The following RPL3 variants were observed in gnomAD, a reference collection of about 807,000 sequenced individuals.
RPL3 encodes ribosomal protein L3.
RPL3 carries 3 observed loss-of-function variants against 46.0 expected under a neutral mutation model. The observed-to-expected ratio is 0.07, with a 90% CI of 0.03 to 0.17. RPL3 has a LOEUF of 0.17. Ranked by LOEUF, RPL3 falls within the 10% of genes least tolerant of loss-of-function variation. The pLI is 1.00. For synonymous variants in RPL3, 224 were observed against 190.8 expected, an observed-to-expected ratio of 1.17 and a Z score of -1.43; for missense variants, 387 against 532.7, an observed-to-expected ratio of 0.73 and a Z score of 2.69.
chr22:39,315,777 A>G (rs545931636), intron 4 of RPL3, among the ~76,000 whole-genome samples: 86 of 152,322 alleles, frequency 5.6e-4, no homozygotes, highest in African/African-American at 2.0e-3. Context: ...GGATGAGCGG[A>G]CAAGACCCAC....
rs567803785 is a variant in RPL3, at chr22:39,313,379, G to A, written c.1048-69C>T. 989 of 1,589,728 alleles carry A rather than the reference G, an allele frequency of 6.2e-4. 1 individual carries two copies. The highest frequency in any genetic ancestry group is 8.0e-4 in the Non-Finnish European group (934 of 1,165,258). On this transcript the variant is annotated intron_variant, in intron 8 of 9. Coordinates refer to ENST00000216146, the MANE Select transcript of RPL3 (RefSeq NM_000967.4). ...GGCTTTCCTCAGCACTGTTCACAGC[G>A]CCCCTGCATCTGGGAAGCCACACGA...
In RPL3 at chr22:39,314,225, G is replaced by A. The variant is rs1226622208; in HGVS notation, c.850-17C>T. ...CTTATAAATCTGAATGAACAAGAAGGGTGTAAGGCTGGGGCATTAGGGACA... is the reference window on the plus strand; with the variant it reads ...CTTATAAATCTGAATGAACAAGAAGAGTGTAAGGCTGGGGCATTAGGGACA... On this transcript the variant is annotated splice_polypyrimidine_tract_variant and intron_variant, in intron 6 of 9. Transcript: ENST00000216146. The A allele has an allele frequency of 2.5e-6, 4 of 1,607,406 alleles. No homozygotes were observed. The highest frequency in any genetic ancestry group is 2.2e-5 in the South Asian group (2 of 90,936).
At chr22:39,319,150 G>A (rs1457994634) in intron 1 of RPL3, 1 of 543,270 alleles carries the variant, frequency 1.8e-6, no homozygotes, top group Non-Finnish European at 3.7e-6. Flanking sequence ...GAGTGCACCA[G>A]CGGCCCCAGA....
rs1412915784 is a variant in RPL3, at chr22:39,317,518, T to C, written c.308A>G (p.Lys103Arg). The C allele has an allele frequency of 1.2e-6, 2 of 1,613,848 alleles. No homozygotes were observed. The highest frequency in any genetic ancestry group is 1.3e-5 in the African/African-American group (1 of 74,906). ...ACTGATGTGCTCAGCAAAGACAGTC[T>C]TGAAGGTCCGGAGGCCTCGAGGGGT... ...VETPRGLRTF[K>R]TVFAEHISDE... Residue 103 changes from lysine to arginine, a missense_variant, in exon 3 of 10, where the codon AAG becomes AGG. Physicochemically the swap from Lys to Arg is conservative, Grantham distance 26 (BLOSUM62 2). Around this residue, in one of 5 missense-constraint regions of RPL3, gnomAD observed 196 missense variants for 217.5 expected, o/e 0.90. Transcript: ENST00000216146.
chr22:39,319,032 C>A (rs771029017), intron 1 of RPL3: 8 of 537,940 alleles, frequency 1.5e-5, no homozygotes, highest in South Asian at 1.1e-4. Context: ...ACACACAGGC[C>A]AAAGAACTCC....
chr22:39,313,093 C>A, intron 9 of RPL3, 98 bp downstream of exon 9: 1 of 1,603,088 alleles, frequency 6.2e-7, no homozygotes, highest in Non-Finnish European at 8.5e-7. Flanking sequence ...ACAAGAGAGG[C>A]CTAAGGCATC....
At chr22:39,317,400 T>C (rs1922768112) in intron 3 of RPL3, 61 bp downstream of exon 3, 1 of 1,561,918 alleles carries the variant, frequency 6.4e-7, no homozygotes, top group Non-Finnish European at 8.7e-7. Context: ...ATGCACACGC[T>C]GCTCCCTGCT....
In RPL3 at chr22:39,315,433, G is replaced by T; in HGVS notation, c.624C>A (p.Asn208Lys). 6.2e-7 allele frequency: 1 copy of T among 1,613,952 alleles called. No homozygotes were observed. The highest frequency in any genetic ancestry group is 8.5e-7 in the Non-Finnish European group (1 of 1,180,042). Residue 208 changes from asparagine to lysine, a missense_variant, in exon 5 of 10, where the codon AAC becomes AAA. Transcript: ENST00000216146. ...RERLEQQVPV[N>K]QVFGQDEMID... ...TCATCTCATCCTGCCCAAACACTTGGTTCACAGGTACCTGCTGCTCAAGCC... is the reference window on the plus strand; with the variant it reads ...TCATCTCATCCTGCCCAAACACTTGTTTCACAGGTACCTGCTGCTCAAGCC...
chr22:39,316,551 G>A (rs1277252331), intron 4 of RPL3, among the ~76,000 whole-genome samples, 155 bp downstream of exon 4: 1 of 152,170 alleles, frequency 6.6e-6, no homozygotes, highest in South Asian at 2.1e-4. Flanking sequence ...ATTTTAAAGG[G>A]GAATGGTTCC....
At chr22:39,313,097 A>C in intron 9 of RPL3, 94 bp downstream of exon 9, 1 of 1,602,194 alleles carries the variant, frequency 6.2e-7, no homozygotes, top group Non-Finnish European at 8.5e-7. Context: ...GAGAGGCCTA[A>C]GGCATCAAGA....
chr22:39,318,263 T>C, intron 2 of RPL3, 137 bp downstream of exon 2: 1 of 796,526 alleles, frequency 1.3e-6, no homozygotes, highest in Non-Finnish European at 2.0e-6. Context: ...CCCATTCTGC[T>C]GTCGCAGCAG....
At chr22:39,316,911 G>T in intron 3 of RPL3, 70 bp from the exon 4 acceptor site, 1 of 1,607,220 alleles carries the variant, frequency 6.2e-7, no homozygotes, top group Non-Finnish European at 8.5e-7. Context: ...AGGGGTGAGC[G>T]GAAGGCACAC....
chr22:39,313,775 C>A (rs140057417), intron 7 of RPL3, 46 bp from the exon 8 acceptor site: 57 of 1,550,180 alleles, frequency 3.7e-5, no homozygotes, highest in Non-Finnish European at 4.8e-5. Context: ...AGGGGATTGT[C>A]GTGCAGATGA....
chr22:39,316,581 G>T, intron 4 of RPL3, 125 bp downstream of exon 4: 1 of 1,252,134 alleles, frequency 8.0e-7, no homozygotes, highest in Non-Finnish European at 1.1e-6. Context: ...GGCCAGTAAG[G>T]ACACAGTGCC....
At chr22:39,317,359 A>AG in intron 3 of RPL3, 102 bp downstream of exon 3, 7 of 1,355,262 alleles carry the variant, frequency 5.2e-6, no homozygotes, top group Non-Finnish European at 7.1e-6. Context: ...CCAAGACAGC[A>AG]GCTCCCTGCC....
At chr22:39,318,169 T>C (rs1483225212) in intron 2 of RPL3, 1 of 518,038 alleles carries the variant, frequency 1.9e-6, no homozygotes. Context: ...TACTATGCTC[T>C]GAAATCAATA....
intron 1 of RPL3, chr22:39,318,998 T>TGCCC: frequency 1.9e-6 from 1 of 539,368 alleles, no homozygotes; most frequent in South Asian, 1.4e-5. Context: ...CTGCCTCCGG[T>TGCCC]GCCCGGACAC....
intron 1 of RPL3, 50 bp downstream of exon 1, chr22:39,319,545 A>G (rs909245499): frequency 1.9e-6 from 3 of 1,557,790 alleles, no homozygotes; most frequent in Non-Finnish European, 2.6e-6. Context: ...TCGCGGATTC[A>G]GCCGTGCCGA....
chr22:39,314,810 C>T lies in RPL3; in HGVS notation c.725G>A (p.Arg242His), dbSNP rs1480072027. 38 of 1,613,612 alleles carry T rather than the reference C, an allele frequency of 2.4e-5. No homozygotes were observed. The highest frequency in any genetic ancestry group is 6.7e-5 in the Admixed American group (4 of 59,996). ...CTTGCGCAGGCCTCGGTGGGTCTTGCGGGGCAGCTTCTTGGTGTGCCAACG... is the reference window on the plus strand; with the variant it reads ...CTTGCGCAGGCCTCGGTGGGTCTTGTGGGGCAGCTTCTTGGTGTGCCAACG... ...TSRWHTKKLP[R>H]KTHRGLRKVA... is the part of the protein sequence containing the mutation. Residue 242 changes from arginine (R) to histidine (H), a missense_variant, in exon 6 of 10, where the codon CGC (arginine) becomes CAC (histidine). By Grantham distance (29) the Arg-to-His change is conservative. Transcript: ENST00000216146.
Sources: allele counts gnomAD v4.1 joint callset (sites outside exome capture counted in the v4.1 genomes callset), GRCh38; gene constraint gnomAD v4.1.1; regional missense constraint gnomAD v4.1.1; transcripts MANE v1.5; gene names NCBI Gene and HGNC (gene_info 2026-07-23, HGNC 2026-07-21).